The following USP12 variants were observed in gnomAD, a reference collection of about 807,000 sequenced individuals.
USP12 encodes ubiquitin carboxyl-terminal hydrolase 12.
A neutral mutation model predicts 45.5 loss-of-function variants in USP12; 19 were observed. The observed-to-expected ratio is 0.42, with a 90% CI of 0.29 to 0.61. The LOEUF is 0.61. Among genes scored for constraint, USP12 ranks in the 20% least tolerant of loss-of-function variants. USP12 has a pLI of 0.22. For missense variants in USP12, 242 were observed against 447.7 expected, an observed-to-expected ratio of 0.54 and a Z score of 4.15; for synonymous variants, 149 against 148.8, an observed-to-expected ratio of 1.00 and a Z score of -0.01.
At chr13:27,095,365 A>T (rs1874528262) in intron 4 of USP12, among the ~76,000 whole-genome samples, 1 of 152,210 alleles carries the variant, frequency 6.6e-6, no homozygotes, top group Non-Finnish European at 1.5e-5. Flanking sequence ...ACTGAAAGAA[A>T]ATCAAACAGT....
At chr13:27,097,426 T>C (rs1205281701) in intron 3 of USP12, among the ~76,000 whole-genome samples, 3 of 152,074 alleles carry the variant, frequency 2.0e-5, no homozygotes, top group African/African-American at 4.8e-5. Flanking sequence ...GATTGCGCCA[T>C]TGCACTCCAG....
intron 6 of USP12, among the ~76,000 whole-genome samples, chr13:27,081,690 G>A (rs1036653381): frequency 4.6e-5 from 7 of 152,192 alleles, no homozygotes; most frequent in African/African-American, 1.2e-4. Context: ...ATCTATGGCA[G>A]CTGTAGACTT....
intron 1 of USP12, among the ~76,000 whole-genome samples, chr13:27,167,638 GCTC>G (rs1427331816): frequency 1.3e-5 from 2 of 151,654 alleles, no homozygotes; most frequent in African/African-American, 4.8e-5. Context: ...ACATTTGAAT[GCTC>G]CTATCATAGA....
chr13:27,135,448 C>T (rs1876758974), intron 1 of USP12, among the ~76,000 whole-genome samples: 1 of 152,180 alleles, frequency 6.6e-6, no homozygotes, highest in African/African-American at 2.4e-5. Flanking sequence ...CATGCTGGCT[C>T]ACGCCTATAA....
At chr13:27,146,377 G>C (rs1256029344) in intron 1 of USP12, among the ~76,000 whole-genome samples, 1 of 152,062 alleles carries the variant, frequency 6.6e-6, no homozygotes, top group African/African-American at 2.4e-5. Flanking sequence ...ACTACAGTCT[G>C]GGCAATAAAG....
intron 2 of USP12, among the ~76,000 whole-genome samples, chr13:27,106,723 G>C (rs1276775764): frequency 6.6e-6 from 1 of 151,798 alleles, no homozygotes; most frequent in Non-Finnish European, 1.5e-5. Flanking sequence ...AAAAAAATGA[G>C]GAAGGATAAA....
intron 1 of USP12, among the ~76,000 whole-genome samples, chr13:27,155,302 T>A (rs368903118): frequency 1.3e-5 from 2 of 151,784 alleles, no homozygotes; most frequent in Admixed American, 1.3e-4. Flanking sequence ...AAGATGGTCT[T>A]GATCTCCTGA....
At chr13:27,153,222 A>C (rs568728972) in intron 1 of USP12, among the ~76,000 whole-genome samples, 1 of 151,768 alleles carries the variant, frequency 6.6e-6, no homozygotes, top group South Asian at 2.1e-4. Context: ...AATACCAGCT[A>C]CTTGGGAGGC....
intron 1 of USP12, among the ~76,000 whole-genome samples, chr13:27,140,110 C>T (rs1468162003): frequency 6.6e-6 from 1 of 152,094 alleles, no homozygotes; most frequent in Non-Finnish European, 1.5e-5. Context: ...AGTTTCTCAT[C>T]TAATGCAATT....
intron 1 of USP12, among the ~76,000 whole-genome samples, chr13:27,123,642 T>C (rs1163854176): frequency 3.3e-5 from 5 of 152,218 alleles, no homozygotes; most frequent in Non-Finnish European, 5.9e-5. Flanking sequence ...ATAAGTCTCA[T>C]GAGATCTGAT....
At chr13:27,097,243 A>G (rs941904808) in intron 3 of USP12, among the ~76,000 whole-genome samples, 1 of 151,996 alleles carries the variant, frequency 6.6e-6, no homozygotes, top group African/African-American at 2.4e-5. Context: ...AGGCAGGTGG[A>G]TCACCTGAGG....
chr13:27,105,595 A>G lies in USP12; in HGVS notation c.343+136T>C, dbSNP rs532034893. 2.0e-4 allele frequency: 155 copies of G among 780,536 alleles called. No homozygotes were observed. In the South Asian group the frequency reaches 2.9e-3, roughly 15 times the overall value. 48.4% of individuals were successfully genotyped at this position (780,536 alleles called of 1,614,324 possible). A position where few individuals can be genotyped will look rare whatever the true frequency, so the allele number is the denominator to read the frequency against. On this transcript the variant is annotated intron_variant, in intron 3 of 8. Coordinates refer to ENST00000282344, the MANE Select transcript of USP12 (RefSeq NM_182488.4). ...CACTAAACGAGTGCCTCTTTGAAGA[A>G]AGGCGTGTCATCCTTGTTTCTTCAA...
Position 27,097,853 on chromosome 13 carries a change from T to C in USP12, c.344-2023A>G, listed in dbSNP as rs59894509. On this transcript the variant is annotated intron_variant, in intron 3 of 8. Coordinates refer to ENST00000282344, the MANE Select transcript of USP12 (RefSeq NM_182488.4). ...GCTTGGGACCAGCAGTGGTTGGGACTTCAGACTGCTTCAGATTTGAGAATA... is the reference window on the plus strand; with the variant it reads ...GCTTGGGACCAGCAGTGGTTGGGACCTCAGACTGCTTCAGATTTGAGAATA... Among the ~76,000 whole-genome samples, 1,294 of 152,330 alleles carry C rather than the reference T, an allele frequency of 8.5e-3. 20 individuals carry two copies. The highest frequency in any genetic ancestry group is 0.03 in the African/African-American group (1,236 of 41,576).
intron 3 of USP12, among the ~76,000 whole-genome samples, chr13:27,099,565 C>G (rs1433203664): frequency 6.6e-6 from 1 of 152,178 alleles, no homozygotes; most frequent in Admixed American, 6.5e-5. Context: ...TCACTTAACC[C>G]ACTAAGTCTC....
At chr13:27,163,318 C>A (rs1046238530) in intron 1 of USP12, among the ~76,000 whole-genome samples, 1 of 152,052 alleles carries the variant, frequency 6.6e-6, no homozygotes, top group Admixed American at 6.6e-5. Flanking sequence ...TCACAAGACC[C>A]GCTTTCACGC....
rs11455614 is a variant in USP12 at position 27,141,012 on chromosome 13, CTTTTTTT to C, written c.49-24423_49-24417del. ...ATTTGAAATTTTCAGTGTGAAGTCA[CTTTTTTT>C]TTTTTTTTTTTTTTTGAGATGGAGT... is the stretch of plus-strand genomic sequence containing the variant. On this transcript the variant is annotated intron_variant, in intron 1 of 8. Transcript: ENST00000282344. Among the ~76,000 whole-genome samples, 228 of 122,574 alleles carry C rather than the reference CTTTTTTT, an allele frequency of 1.9e-3. 2 individuals carry two copies. Among genetic ancestry groups the C allele is most frequent in the South Asian group, 2.4e-3 (9 of 3,782 alleles). 80.4% of individuals were successfully genotyped at this position (122,574 alleles called of 152,430 possible).
chr13:27,128,362 T>C (rs1876338953), intron 1 of USP12, among the ~76,000 whole-genome samples: 1 of 152,184 alleles, frequency 6.6e-6, no homozygotes, highest in East Asian at 1.9e-4. Flanking sequence ...AATTCTCAAA[T>C]ATGACCAAAC....
intron 7 of USP12, among the ~76,000 whole-genome samples, chr13:27,071,354 A>G (rs1245446055): frequency 3.3e-5 from 5 of 152,212 alleles, no homozygotes; most frequent in Admixed American, 6.5e-5. Context: ...TCAAATAATT[A>G]GTACTCTAAG....
chr13:27,136,922 G>A (rs569131052), intron 1 of USP12, among the ~76,000 whole-genome samples: 15 of 152,242 alleles, frequency 9.9e-5, no homozygotes, highest in East Asian at 9.6e-4. Context: ...TGTTTTTTGC[G>A]TTAACTAAAG....
Sources: allele counts gnomAD v4.1 joint callset (sites outside exome capture counted in the v4.1 genomes callset), GRCh38; gene constraint gnomAD v4.1.1; transcripts MANE v1.5; gene names NCBI Gene and HGNC (gene_info 2026-07-23, HGNC 2026-07-21).